Variants in SPAG16 observed in about 807,000 individuals in gnomAD.
SPAG16 encodes sperm-associated antigen 16 protein.
Under a neutral mutation model 80.4 loss-of-function variants are expected in SPAG16, and 86 were observed. The observed-to-expected ratio is 1.07, with a 90% CI of 0.90 to 1.28. The LOEUF is 1.28. Ranked by LOEUF, SPAG16 falls within the 50% of genes most tolerant of loss-of-function variation. SPAG16 has a pLI of 0.00. For synonymous variants in SPAG16, 294 were observed against 265.9 expected (o/e 1.11, Z -1.03); for missense variants, 870 against 765.3 (o/e 1.14, Z -1.61).
intron 15 of SPAG16, among the ~76,000 whole-genome samples, chr2:214,260,020 T>G (rs1691021096): frequency 6.6e-6 from 1 of 152,154 alleles, no homozygotes; most frequent in Non-Finnish European, 1.5e-5. Flanking sequence ...AAATTTTATT[T>G]AGCAGAGGAT....
chr2:213,454,574 C>A (rs544996654), intron 9 of SPAG16, among the ~76,000 whole-genome samples: 27 of 152,204 alleles, frequency 1.8e-4, no homozygotes, highest in African/African-American at 6.5e-4. Flanking sequence ...AGATTGACTT[C>A]TTCATCTCTA....
intron 9 of SPAG16, among the ~76,000 whole-genome samples, chr2:213,460,661 C>A (rs2072309193): frequency 6.6e-6 from 1 of 152,152 alleles, no homozygotes; most frequent in Non-Finnish European, 1.5e-5. Flanking sequence ...TATACATGTG[C>A]ATGGCTAGAA....
chr2:214,051,938 T>C (rs1332334518), intron 13 of SPAG16, among the ~76,000 whole-genome samples: 1 of 152,240 alleles, frequency 6.6e-6, no homozygotes, highest in Non-Finnish European at 1.5e-5. Flanking sequence ...TTTACATATT[T>C]CTGTTTATTT....
At chr2:213,545,616 A>G (rs1458037329) in intron 10 of SPAG16, among the ~76,000 whole-genome samples, 1 of 151,962 alleles carries the variant, frequency 6.6e-6, no homozygotes, top group Non-Finnish European at 1.5e-5. Context: ...AACGTGATCA[A>G]TTATGGAATC....
intron 12 of SPAG16, among the ~76,000 whole-genome samples, chr2:213,936,126 C>T (rs994143713): frequency 6.6e-6 from 1 of 151,894 alleles, no homozygotes; most frequent in African/African-American, 2.4e-5. Context: ...ATCAGCAAGC[C>T]AAGCAGATAC....
intron 7 of SPAG16, among the ~76,000 whole-genome samples, chr2:213,362,983 G>GAC (rs1470600746): frequency 6.6e-6 from 1 of 152,148 alleles, no homozygotes; most frequent in Non-Finnish European, 1.5e-5. Context: ...ATCAGTCTGA[G>GAC]AAACTGTCTC....
intron 5 of SPAG16, among the ~76,000 whole-genome samples, chr2:213,331,375 G>A (rs907728153): frequency 3.3e-5 from 5 of 152,190 alleles, no homozygotes; most frequent in Admixed American, 2.6e-4. Context: ...AGAGCAGTCA[G>A]TTCAGCAAGA....
intron 10 of SPAG16, among the ~76,000 whole-genome samples, chr2:213,705,918 C>T (rs921837576): frequency 2.0e-5 from 3 of 152,126 alleles, no homozygotes; most frequent in Non-Finnish European, 4.4e-5. Context: ...AAATTCCATA[C>T]GCTTTGGTAG....
chr2:213,818,548 C>CT (rs1261552261), intron 10 of SPAG16, among the ~76,000 whole-genome samples: 5 of 152,150 alleles, frequency 3.3e-5, no homozygotes, highest in African/African-American at 9.7e-5. Context: ...TTTGTATGCC[C>CT]TTTTTTTACT....
chr2:213,813,947 C>T (rs1188922869), intron 10 of SPAG16, among the ~76,000 whole-genome samples: 2 of 151,918 alleles, frequency 1.3e-5, no homozygotes, highest in African/African-American at 4.8e-5. Flanking sequence ...TGTCTAGGAT[C>T]GGGGCTTTGA....
At chr2:214,403,024 A>C (rs1347969456) in intron 15 of SPAG16, among the ~76,000 whole-genome samples, 3 of 150,462 alleles carry the variant, frequency 2.0e-5, no homozygotes, top group African/African-American at 7.3e-5. Context: ...TCAAAGTGGA[A>C]GGGATGACAT....
intron 5 of SPAG16, among the ~76,000 whole-genome samples, chr2:213,319,470 A>G (rs1292113237): frequency 2.0e-5 from 3 of 151,962 alleles, no homozygotes. Context: ...GAAGTGTATG[A>G]TGATTCAGAA....
At chr2:213,508,299 G>A (rs1034673391) in intron 10 of SPAG16, among the ~76,000 whole-genome samples, 1 of 152,196 alleles carries the variant, frequency 6.6e-6, no homozygotes, top group Non-Finnish European at 1.5e-5. Flanking sequence ...TCGGCTGGGC[G>A]CGGTGGCTCA....
At chr2:213,558,262 G>GA (rs2059491845) in intron 10 of SPAG16, among the ~76,000 whole-genome samples, 1 of 151,946 alleles carries the variant, frequency 6.6e-6, no homozygotes, top group Non-Finnish European at 1.5e-5. Context: ...TTTTAAAAAT[G>GA]AAACAGATGA....
At chr2:213,506,621 A>G (rs1227542880) in intron 10 of SPAG16, among the ~76,000 whole-genome samples, 1 of 152,102 alleles carries the variant, frequency 6.6e-6, no homozygotes, top group Non-Finnish European at 1.5e-5. Context: ...TGATTTCCTG[A>G]CGGCCATTTT....
chr2:214,105,996 T>C (rs1274686798), intron 13 of SPAG16, among the ~76,000 whole-genome samples: 1 of 152,056 alleles, frequency 6.6e-6, no homozygotes, highest in Non-Finnish European at 1.5e-5. Context: ...AAGAGTGCCA[T>C]AGAGATTCTA....
intron 10 of SPAG16, among the ~76,000 whole-genome samples, chr2:213,733,893 G>A (rs2067172906): frequency 6.6e-6 from 1 of 152,150 alleles, no homozygotes; most frequent in African/African-American, 2.4e-5. Flanking sequence ...TGGCATATTA[G>A]AGTTAAAACC....
At chr2:213,640,445 G>A (rs1336804266) in intron 10 of SPAG16, among the ~76,000 whole-genome samples, 3 of 152,200 alleles carry the variant, frequency 2.0e-5, no homozygotes, top group Non-Finnish European at 4.4e-5. Flanking sequence ...GTGCTCCCTT[G>A]ATGTGGTGTT....
chr2:213,735,410 G>C (rs186168911), intron 10 of SPAG16, among the ~76,000 whole-genome samples: 3 of 152,266 alleles, frequency 2.0e-5, no homozygotes. Context: ...AAATCCTATA[G>C]AAGAGTATTT....
Sources: gnomAD v4.1 joint callset for allele counts (sites outside exome capture counted in the v4.1 genomes callset) on GRCh38, gnomAD v4.1.1 for gene constraint, MANE v1.5 for transcripts, NCBI Gene and HGNC (gene_info 2026-07-23, HGNC 2026-07-21) for gene names.